The following MAGI2 variants were observed in gnomAD, a reference collection of about 807,000 sequenced individuals.
MAGI2 encodes the protein membrane associated guanylate kinase, WW and PDZ domain containing 2.
MAGI2 carries 35 observed loss-of-function variants against 133.3 expected under a neutral mutation model. That is an observed-to-expected ratio of 0.26 (90% confidence interval 0.20 to 0.35). The LOEUF is 0.35. Among genes scored for constraint, MAGI2 ranks in the 10% least tolerant of loss-of-function variants. The pLI is 1.00. For synonymous variants in MAGI2, 729 were observed against 710.6 expected, an observed-to-expected ratio of 1.03 and a Z score of -0.41; for missense variants, 1,636 against 1,863.4, an observed-to-expected ratio of 0.88 and a Z score of 2.25.
chr7:78,089,592 G>A (rs903802645), intron 20 of MAGI2, among the ~76,000 whole-genome samples: 11 of 152,236 alleles, frequency 7.2e-5, no homozygotes, highest in South Asian at 4.2e-4. Context: ...AACATGTGTC[G>A]CCTCTATACC....
intron 5 of MAGI2, 101 bp downstream of exon 5, chr7:78,501,476 G>C: frequency 9.7e-7 from 1 of 1,033,052 alleles, no homozygotes; most frequent in Non-Finnish European, 1.4e-6. Context: ...AGAATTTCAT[G>C]TTTTTTTCTT....
chr7:78,823,909 TCACA>T (rs151269215), intron 2 of MAGI2, among the ~76,000 whole-genome samples: 4,174 of 148,120 alleles, frequency 0.028, 81 homozygotes, highest in South Asian at 0.05. Flanking sequence ...GGATTTCACA[TCACA>T]CACACACACA....
At chr7:78,656,343 G>A (rs1183856056) in intron 2 of MAGI2, among the ~76,000 whole-genome samples, 1 of 152,166 alleles carries the variant, frequency 6.6e-6, no homozygotes, top group African/African-American at 2.4e-5. Context: ...CATATACAAT[G>A]AAATGTTATT....
rs535730141 is a variant in MAGI2 at position 78,506,594 on chromosome 7, C to A, written c.755-4807G>T. On this transcript the variant is annotated intron_variant, in intron 4 of 21. Coordinates refer to ENST00000354212, the MANE Select transcript of MAGI2 (RefSeq NM_012301.4). Reference sequence around the variant, plus strand: ...GGAAGCAATGAGAAAATTAAAAAAACTTCATGTTGCAAAAGCCAAGCAAAG... The same window carrying A: ...GGAAGCAATGAGAAAATTAAAAAAAATTCATGTTGCAAAAGCCAAGCAAAG... Among the ~76,000 whole-genome samples the A allele has an allele frequency of 4.6e-5, 7 of 152,244 alleles. No homozygotes were observed. The East Asian group carries it at 1.4e-3, about 29-fold the overall frequency.
intron 6 of MAGI2, among the ~76,000 whole-genome samples, chr7:78,390,250 C>T (rs956259724): frequency 9.9e-5 from 15 of 152,072 alleles, no homozygotes; most frequent in African/African-American, 3.6e-4. Context: ...CAGGAAAATA[C>T]ATACAAATCA....
At chr7:78,293,492 A>G (rs572016241) in intron 9 of MAGI2, among the ~76,000 whole-genome samples, 5 of 152,256 alleles carry the variant, frequency 3.3e-5, no homozygotes, top group East Asian at 3.9e-4. Context: ...TGGTGGGACT[A>G]TAAGCTAGTT....
chr7:78,709,291 C>G (rs905047780), intron 2 of MAGI2, among the ~76,000 whole-genome samples: 4 of 151,898 alleles, frequency 2.6e-5, no homozygotes, highest in Non-Finnish European at 5.9e-5. Flanking sequence ...CCCCCACCCC[C>G]ACTCCACACA....
chr7:78,042,911 A>T (rs1231852798), intron 21 of MAGI2, among the ~76,000 whole-genome samples: 1 of 152,232 alleles, frequency 6.6e-6, no homozygotes, highest in African/African-American at 2.4e-5. Flanking sequence ...CTTCATCAGT[A>T]CATCAATATA....
chr7:79,306,137 G>A (rs1837770659), intron 1 of MAGI2, among the ~76,000 whole-genome samples: 1 of 149,446 alleles, frequency 6.7e-6, no homozygotes, highest in Admixed American at 6.7e-5. Flanking sequence ...CTCTGAAGTA[G>A]CAGGGACTAC....
In MAGI2 at chr7:78,609,497, A is replaced by C. The variant is rs201171195; in HGVS notation, c.538+17623T>G. ...CACGTGATGAAGGAAAAGAAAATAA[A>C]ATGAAGGTATTTTCTTAGTATGAGT... is the stretch of plus-strand genomic sequence containing the variant. On this transcript the variant is annotated intron_variant, in intron 3 of 21. Coordinates refer to ENST00000354212, the MANE Select transcript of MAGI2 (RefSeq NM_012301.4). Among the ~76,000 whole-genome samples the C allele has an allele frequency of 1.5e-4, 23 of 152,292 alleles. No homozygotes were observed. In the East Asian group the frequency reaches 4.2e-3, roughly 28 times the overall value.
chr7:78,717,269 AACACAGCACACACAC>A lies in MAGI2; in HGVS notation c.419-90045_419-90031del, dbSNP rs772244744. On this transcript the variant is annotated intron_variant, in intron 2 of 21. Transcript: ENST00000354212. ...CAGTAACATGGAAGTTATACCACACAACACAGCACACACACACACACAGAGTGAAAAGGTAAAACG... is the reference window on the plus strand; with the variant it reads ...CAGTAACATGGAAGTTATACCACACAACACACAGAGTGAAAAGGTAAAACG... 1.4e-3 allele frequency among the ~76,000 whole-genome samples: 155 copies of A among 114,590 alleles called. No individual in the cohort carries two copies. The Middle Eastern group carries it at 0.063, about 47-fold the overall frequency. The allele number at this position is 114,590 out of a possible 152,430, so 75.2% of individuals were successfully genotyped here. A position where few individuals can be genotyped will look rare whatever the true frequency, so the allele number is the denominator to read the frequency against.
At chr7:79,107,631 T>C (rs951804422) in intron 1 of MAGI2, among the ~76,000 whole-genome samples, 4 of 152,224 alleles carry the variant, frequency 2.6e-5, no homozygotes, top group Non-Finnish European at 5.9e-5. Flanking sequence ...TTGTTAAGGG[T>C]GATACCTGAG....
intron 2 of MAGI2, among the ~76,000 whole-genome samples, chr7:78,677,070 T>A (rs571117248): frequency 6.6e-6 from 1 of 152,218 alleles, no homozygotes; most frequent in Admixed American, 6.6e-5. Flanking sequence ...ACTCTTTCCT[T>A]TCTTTTCTCT....
chr7:79,347,542 G>T (rs1331826859), intron 1 of MAGI2, among the ~76,000 whole-genome samples: 5 of 151,676 alleles, frequency 3.3e-5, no homozygotes, highest in Non-Finnish European at 5.9e-5. Context: ...TGTTACACAC[G>T]AATTATCTCA....
intron 1 of MAGI2, among the ~76,000 whole-genome samples, chr7:79,263,708 G>T (rs1834236066): frequency 6.6e-6 from 1 of 152,046 alleles, no homozygotes; most frequent in Non-Finnish European, 1.5e-5. Flanking sequence ...TTGAACTCTT[G>T]AATGGACTGC....
In MAGI2 at chr7:78,019,924, T is replaced by C. The variant is rs1224058253; in HGVS notation, c.3759A>G (p.Glu1253=). 1.2e-6 allele frequency: 2 copies of C among 1,610,280 alleles called. No homozygotes were observed. Among genetic ancestry groups the C allele is most frequent in the Admixed American group, 1.7e-5 (1 of 59,514 alleles). Residue 1253 remains glutamate, a synonymous_variant, in exon 22 of 22, where the codon GAA becomes GAG. Coordinates refer to ENST00000354212, the MANE Select transcript of MAGI2 (RefSeq NM_012301.4). ...SPAAAAPGLP[E]VGVSLDDGLA... ...GGCCGTCGTCCAGGGAGACGCCTAC[T>C]TCCGGCAGACCTGGGGCGGCGGCAG...
chr7:78,241,878 G>A (rs1486116595), intron 10 of MAGI2, among the ~76,000 whole-genome samples: 3 of 151,678 alleles, frequency 2.0e-5, no homozygotes, highest in African/African-American at 7.3e-5. Context: ...AGGCTGCAGT[G>A]AGCCGAGATC....
At chr7:79,427,337 C>A (rs1437694827) in intron 1 of MAGI2, among the ~76,000 whole-genome samples, 1 of 151,922 alleles carries the variant, frequency 6.6e-6, no homozygotes, top group Non-Finnish European at 1.5e-5. Flanking sequence ...TGTAACAAAC[C>A]CACACATTCT....
At chr7:78,182,392 T>G (rs1827267714) in intron 13 of MAGI2, among the ~76,000 whole-genome samples, 1 of 152,242 alleles carries the variant, frequency 6.6e-6, no homozygotes, top group African/African-American at 2.4e-5. Context: ...TTTAGTTGTT[T>G]GCTTTATCCC....
Sources: gnomAD v4.1 joint callset for allele counts (sites outside exome capture counted in the v4.1 genomes callset) on GRCh38, gnomAD v4.1.1 for gene constraint, MANE v1.5 for transcripts, NCBI Gene and HGNC (gene_info 2026-07-23, HGNC 2026-07-21) for gene names.